MNAT1: variants seen among roughly 807,000 people sequenced by gnomAD.
The protein encoded by MNAT1 is CDK-activating kinase assembly factor MAT1.
Under a neutral mutation model 42.0 loss-of-function variants are expected in MNAT1, and 43 were observed. That is an observed-to-expected ratio of 1.02 (90% CI 0.80 to 1.32). MNAT1 has a LOEUF of 1.32. Ranked by LOEUF, MNAT1 falls within the 40% of genes most tolerant of loss-of-function variation. The pLI, the probability that MNAT1 is intolerant of heterozygous loss-of-function variation, is 0.00. For missense variants in MNAT1, 306 were observed against 350.4 expected (o/e 0.87, Z 1.01); for synonymous variants, 118 against 120.0 (o/e 0.98, Z 0.11).
intron 1 of MNAT1, among the ~76,000 whole-genome samples, chr14:60,786,150 A>T (rs1028656295): frequency 6.6e-6 from 1 of 152,086 alleles, no homozygotes; most frequent in Admixed American, 6.5e-5. Flanking sequence ...CACACAAAAA[A>T]TTGTGAAATT....
At chr14:60,857,932 C>T (rs1594808132) in intron 6 of MNAT1, among the ~76,000 whole-genome samples, 1 of 152,168 alleles carries the variant, frequency 6.6e-6, no homozygotes, top group African/African-American at 2.4e-5. Context: ...GCATAGTATT[C>T]CATGGTGTAT....
At chr14:60,789,281 T>C (rs2031745872) in intron 1 of MNAT1, among the ~76,000 whole-genome samples, 1 of 152,158 alleles carries the variant, frequency 6.6e-6, no homozygotes, top group Non-Finnish European at 1.5e-5. Context: ...ATATGGGTGC[T>C]TTTCATGGTG....
At chr14:60,841,709 A>G (rs370712976) in intron 6 of MNAT1, among the ~76,000 whole-genome samples, 1 of 151,958 alleles carries the variant, frequency 6.6e-6, no homozygotes, top group African/African-American at 2.4e-5. Context: ...TCCATTAAAT[A>G]TTATAAGACT....
intron 7 of MNAT1, among the ~76,000 whole-genome samples, chr14:60,901,013 CAAAAAAAAA>C (rs56345746): frequency 1.1e-4 from 4 of 36,558 alleles, no homozygotes; most frequent in African/African-American, 4.9e-4. Flanking sequence ...GAGCCTGTCT[CAAAAAAAAA>C]AAAAAAAAAA....
At chr14:60,825,478 C>T (rs1318752055) in intron 6 of MNAT1, among the ~76,000 whole-genome samples, 4 of 152,124 alleles carry the variant, frequency 2.6e-5, no homozygotes, top group Non-Finnish European at 5.9e-5. Context: ...TTTTGTTGAA[C>T]GCCTGCTATA....
At chr14:60,937,551 A>G (rs2036027603) in intron 7 of MNAT1, among the ~76,000 whole-genome samples, 1 of 151,990 alleles carries the variant, frequency 6.6e-6, no homozygotes, top group African/African-American at 2.4e-5. Context: ...GATATGTGGC[A>G]TTATTTCTGA....
At chr14:60,737,393 A>G (rs75852033) in intron 1 of MNAT1, among the ~76,000 whole-genome samples, 1,985 of 151,990 alleles carry the variant, frequency 0.013, 41 homozygotes, top group African/African-American at 0.046. Flanking sequence ...ACATATATAT[A>G]TGTGTGTATA....
At chr14:60,859,660 C>T (rs543368990) in intron 6 of MNAT1, among the ~76,000 whole-genome samples, 2 of 152,126 alleles carry the variant, frequency 1.3e-5, no homozygotes, top group African/African-American at 4.8e-5. Context: ...AAAAGTTTCA[C>T]AATTTTTTTT....
Position 60,799,201 on chromosome 14 carries a change from T to C in MNAT1, c.316+1041T>C, listed in dbSNP as rs1335454375. On this transcript the variant is annotated intron_variant, in intron 3 of 7. Coordinates refer to ENST00000261245, the MANE Select transcript of MNAT1 (RefSeq NM_002431.4). Reference sequence around the variant, plus strand: ...GTTTCTCTGGGATCTTTCAGTGCCATAAGAGCCACTGCTTTTCCATTCTGC... The same window carrying C: ...GTTTCTCTGGGATCTTTCAGTGCCACAAGAGCCACTGCTTTTCCATTCTGC... 7 of 966,770 alleles carry C rather than the reference T, an allele frequency of 7.2e-6. No individual in the cohort carries two copies. In the East Asian group the frequency reaches 8.0e-4, roughly 111 times the overall value. The allele number at this position is 966,770 out of a possible 1,614,324, so 59.9% of individuals were successfully genotyped here.
intron 7 of MNAT1, among the ~76,000 whole-genome samples, chr14:60,906,075 G>A (rs2035192303): frequency 6.6e-6 from 1 of 152,186 alleles, no homozygotes; most frequent in Non-Finnish European, 1.5e-5. Flanking sequence ...GCAAATACCT[G>A]AATTAGCAAA....
chr14:60,823,303 C>G (rs2032953189), intron 6 of MNAT1, among the ~76,000 whole-genome samples: 1 of 152,202 alleles, frequency 6.6e-6, no homozygotes, highest in Non-Finnish European at 1.5e-5. Flanking sequence ...CTCTGTTTAT[C>G]TGATTACTTT....
rs979300573 is a variant in MNAT1, at chr14:60,745,574, G to T, written c.89+10623G>T. 2.0e-5 allele frequency among the ~76,000 whole-genome samples: 3 copies of T among 151,970 alleles called. No individual in the cohort carries two copies. In the East Asian group the frequency reaches 5.8e-4, roughly 29 times the overall value. ...TGGGATTACAGGTGTGTACCACCAC[G>T]CCTGGCTAATTTTTGTATTTTTAAT... On this transcript the variant is annotated intron_variant, in intron 1 of 7. Transcript: ENST00000261245.
chr14:60,748,125 A>T (rs1323533151), intron 1 of MNAT1, among the ~76,000 whole-genome samples: 1 of 152,042 alleles, frequency 6.6e-6, no homozygotes, highest in Admixed American at 6.6e-5. Context: ...TGAACCTGGG[A>T]GGCAGAGGTT....
intron 7 of MNAT1, among the ~76,000 whole-genome samples, chr14:60,925,358 G>A (rs759347159): frequency 6.6e-6 from 1 of 152,068 alleles, no homozygotes; most frequent in Non-Finnish European, 1.5e-5. Context: ...GGTATCCTGG[G>A]GGTGGGGTTC....
intron 1 of MNAT1, among the ~76,000 whole-genome samples, chr14:60,778,329 C>G (rs2031324353): frequency 6.6e-6 from 1 of 152,090 alleles, no homozygotes; most frequent in African/African-American, 2.4e-5. Context: ...TCTCTGGTTC[C>G]TAGTTTTGTA....
chr14:60,825,560 T>A lies in MNAT1; in HGVS notation c.687+6713T>A, dbSNP rs1485789669. 2.0e-5 allele frequency among the ~76,000 whole-genome samples: 3 copies of A among 152,306 alleles called. No individual in the cohort carries two copies. In the East Asian group the frequency reaches 5.8e-4, roughly 29 times the overall value. On this transcript the variant is annotated intron_variant, in intron 6 of 7. Coordinates refer to ENST00000261245, the MANE Select transcript of MNAT1 (RefSeq NM_002431.4). ...TTAAGAATTTGTGACCTATGATAGTTCTTTTTTATAATAAGTATTACTTTC... is the reference window on the plus strand; with the variant it reads ...TTAAGAATTTGTGACCTATGATAGTACTTTTTTATAATAAGTATTACTTTC...
chr14:60,868,230 CAT>C (rs1456697119), intron 6 of MNAT1, among the ~76,000 whole-genome samples: 1 of 152,114 alleles, frequency 6.6e-6, no homozygotes, highest in Non-Finnish European at 1.5e-5. Context: ...TACAAATAGA[CAT>C]ATATGTATGT....
intron 7 of MNAT1, among the ~76,000 whole-genome samples, chr14:60,956,629 C>G (rs2036492045): frequency 6.6e-6 from 1 of 152,160 alleles, no homozygotes; most frequent in African/African-American, 2.4e-5. Flanking sequence ...GTATTGCTGT[C>G]TATTTCTCCC....
Position 60,811,990 on chromosome 14 carries a change from C to T in MNAT1, c.424C>T (p.Arg142Ter), listed in dbSNP as rs761974468. Reference sequence around the variant, plus strand: ...CATATATAAATTTTTGTTTTAGACTCGAGAACAGGAAGAACTGGAAGAAGC... The same window carrying T: ...CATATATAAATTTTTGTTTTAGACTTGAGAACAGGAAGAACTGGAAGAAGC... ...VIQKNKLKLT[R>*]EQEELEEALE... Residue 142 changes from arginine to a stop codon, truncating the protein, a stop_gained, in exon 5 of 8, where the codon CGA becomes TGA. Transcript: ENST00000261245. LOFTEE classifies it high-confidence loss of function. The T allele has an allele frequency of 5.7e-6, 9 of 1,572,630 alleles. No individual in the cohort carries two copies. The highest frequency in any genetic ancestry group is 2.8e-5 in the African/African-American group (2 of 72,548).
Sources: allele counts gnomAD v4.1 joint callset (sites outside exome capture counted in the v4.1 genomes callset), GRCh38; gene constraint gnomAD v4.1.1; transcripts MANE v1.5; gene names NCBI Gene and HGNC (gene_info 2026-07-23, HGNC 2026-07-21).